Variants in NCOA1 observed in about 807,000 individuals in gnomAD.
The protein encoded by NCOA1 is nuclear receptor coactivator 1.
In NCOA1, 35 loss-of-function variants were observed where a neutral mutation model predicts 150.9. That is an observed-to-expected ratio of 0.23 (90% CI 0.18 to 0.31). The LOEUF (loss-of-function observed/expected upper bound fraction) is 0.31, where lower values mean the gene tolerates loss of function less well. Among genes scored for constraint, NCOA1 ranks in the 10% least tolerant of loss-of-function variants. The pLI is 1.00. For synonymous variants in NCOA1, 590 were observed against 630.0 expected (o/e 0.94, Z 0.95); for missense variants, 1,491 against 1,749.3 (o/e 0.85, Z 2.63).
At position 24,642,936 on chromosome 2, in the gene NCOA1, A is replaced by G. The variant is rs537409567; in HGVS notation, c.-174-1030A>G. 2.6e-5 allele frequency among the ~76,000 whole-genome samples: 4 copies of G among 152,310 alleles called. No homozygotes were observed. The East Asian group carries it at 7.7e-4, about 29-fold the overall frequency. On this transcript the variant is annotated intron_variant, in intron 3 of 22. Transcript: ENST00000348332. ...AGTGACAAAAATTATAGAAATAGGG[A>G]ACAGATTGCAGTTGTCAAGAGTTAA... is the stretch of plus-strand genomic sequence containing the variant.
rs1391925258 is a variant in NCOA1, at chr2:24,691,540, A to C, written c.592A>C (p.Arg198=). ...ACGAAATAGCCATACCTTTAACTGC[A>C]GGATGCTAATTCACCCTCCAGATGA... ...TRRNSHTFNC[R]MLIHPPDEPG... Residue 198 remains arginine, a synonymous_variant, in exon 9 of 23, where the codon AGG becomes CGG. Coordinates refer to ENST00000348332, the MANE Select transcript of NCOA1 (RefSeq NM_003743.5). 3 of 1,614,096 alleles carry C rather than the reference A, an allele frequency of 1.9e-6. No individual in the cohort carries two copies. In the East Asian group the frequency reaches 6.7e-5, roughly 36 times the overall value.
At chr2:24,640,913 T>G (rs994625030) in intron 3 of NCOA1, among the ~76,000 whole-genome samples, 1 of 152,140 alleles carries the variant, frequency 6.6e-6, no homozygotes, top group Non-Finnish European at 1.5e-5. Context: ...TTAATTGTAA[T>G]GTTTAGTTAT....
intron 2 of NCOA1, among the ~76,000 whole-genome samples, chr2:24,578,041 A>G (rs1393087509): frequency 6.6e-6 from 1 of 152,168 alleles, no homozygotes; most frequent in Non-Finnish European, 1.5e-5. Context: ...GTAGGCAGTG[A>G]CATACCTCAC....
chr2:24,591,643 A>T (rs959593366), intron 3 of NCOA1, among the ~76,000 whole-genome samples: 1 of 152,090 alleles, frequency 6.6e-6, no homozygotes, highest in African/African-American at 2.4e-5. Flanking sequence ...CAATCCCTCT[A>T]ATATGCCAAG....
intron 1 of NCOA1, chr2:24,491,864 C>T (rs981531697): frequency 1.3e-5 from 2 of 151,792 alleles, no homozygotes; most frequent in South Asian, 2.1e-4. Flanking sequence ...CGACTTCTCT[C>T]CGCCTCTTTT....
At chr2:24,613,733 G>A (rs1418580464) in intron 3 of NCOA1, among the ~76,000 whole-genome samples, 3 of 152,134 alleles carry the variant, frequency 2.0e-5, no homozygotes, top group East Asian at 3.9e-4. Flanking sequence ...AGCTATGCCC[G>A]GGAATGGGGC....
At chr2:24,632,134 A>G (rs1193305787) in intron 3 of NCOA1, among the ~76,000 whole-genome samples, 1 of 152,198 alleles carries the variant, frequency 6.6e-6, no homozygotes, top group African/African-American at 2.4e-5. Context: ...GGATTTTTTA[A>G]AAGTCATAAA....
At chr2:24,741,066 A>G (rs1344055755) in intron 18 of NCOA1, among the ~76,000 whole-genome samples, 1 of 152,026 alleles carries the variant, frequency 6.6e-6, no homozygotes, top group Non-Finnish European at 1.5e-5. Context: ...TCTTTTTACT[A>G]TTTTATTTCT....
At chr2:24,524,923 T>C (rs1430035701) in intron 1 of NCOA1, among the ~76,000 whole-genome samples, 1 of 152,144 alleles carries the variant, frequency 6.6e-6, no homozygotes, top group Non-Finnish European at 1.5e-5. Flanking sequence ...TTCATATTTT[T>C]TGAACTGACA....
At chr2:24,613,450 A>G (rs939678428) in intron 3 of NCOA1, among the ~76,000 whole-genome samples, 2 of 152,306 alleles carry the variant, frequency 1.3e-5, no homozygotes, top group South Asian at 2.1e-4. Flanking sequence ...GGCAGGCACA[A>G]TCACTAACAC....
intron 1 of NCOA1, among the ~76,000 whole-genome samples, chr2:24,542,814 A>G (rs961452684): frequency 1.3e-5 from 2 of 152,248 alleles, no homozygotes; most frequent in African/African-American, 4.8e-5. Flanking sequence ...AATATATCCA[A>G]GAGAATACTC....
At chr2:24,554,041 G>T (rs2148232323) in intron 1 of NCOA1, among the ~76,000 whole-genome samples, 1 of 152,258 alleles carries the variant, frequency 6.6e-6, no homozygotes, top group East Asian at 1.9e-4. Context: ...AAAATCTCTA[G>T]TGATGTCTCC....
chr2:24,538,339 C>T (rs765400272), intron 1 of NCOA1, among the ~76,000 whole-genome samples: 2 of 152,118 alleles, frequency 1.3e-5, no homozygotes, highest in Non-Finnish European at 2.9e-5. Flanking sequence ...CTTTTATTTT[C>T]GAGTAATTTT....
At chr2:24,756,769 G>T (rs994944830) in intron 20 of NCOA1, among the ~76,000 whole-genome samples, 2 of 152,028 alleles carry the variant, frequency 1.3e-5, no homozygotes, top group African/African-American at 2.4e-5. Context: ...AATTTTCAGG[G>T]TTCAAATACA....
chr2:24,679,459 T>A (rs1672064763), intron 7 of NCOA1, among the ~76,000 whole-genome samples: 1 of 152,206 alleles, frequency 6.6e-6, no homozygotes, highest in African/African-American at 2.4e-5. Flanking sequence ...GAGGGTGGAA[T>A]TCTGGCAGGT....
intron 5 of NCOA1, among the ~76,000 whole-genome samples, chr2:24,665,546 A>C (rs1367000464): frequency 6.6e-6 from 1 of 152,222 alleles, no homozygotes; most frequent in African/African-American, 2.4e-5. Context: ...TTTACTTTAT[A>C]TATTTTAGCC....
At chr2:24,756,370 TACTG>T (rs1664501153) in intron 20 of NCOA1, among the ~76,000 whole-genome samples, 3 of 152,252 alleles carry the variant, frequency 2.0e-5, no homozygotes, top group Admixed American at 2.0e-4. Flanking sequence ...ACAGGTGTAT[TACTG>T]ACTATTTCCT....
At chr2:24,522,990 GCTTAT>G (rs1039493085) in intron 1 of NCOA1, among the ~76,000 whole-genome samples, 2 of 152,048 alleles carry the variant, frequency 1.3e-5, no homozygotes, top group Admixed American at 6.6e-5. Flanking sequence ...CTTTTTGAGT[GCTTAT>G]CTTATATCAG....
chr2:24,697,852 G>C, intron 11 of NCOA1, 54 bp downstream of exon 11: 4 of 1,526,368 alleles, frequency 2.6e-6, no homozygotes, highest in Non-Finnish European at 3.6e-6. Context: ...ACTGATATTT[G>C]AATAGTTCGT....
Sources: allele counts gnomAD v4.1 joint callset (sites outside exome capture counted in the v4.1 genomes callset), GRCh38; gene constraint gnomAD v4.1.1; transcripts MANE v1.5; gene names NCBI Gene and HGNC (gene_info 2026-07-23, HGNC 2026-07-21).